SEPTIN8: variants seen among roughly 807,000 people sequenced by gnomAD.
SEPTIN8 encodes the protein septin 8.
A neutral mutation model predicts 53.1 loss-of-function variants in SEPTIN8; 22 were observed. The ratio of observed to expected loss-of-function variants is 0.41; its 90% confidence interval spans 0.30 to 0.59. The LOEUF is 0.59. Ranked by LOEUF, SEPTIN8 falls within the 20% of genes least tolerant of loss-of-function variation. SEPTIN8 has a pLI of 0.24. For missense variants in SEPTIN8, 536 were observed against 638.7 expected (o/e 0.84, Z 1.73); for synonymous variants, 228 against 248.4 (o/e 0.92, Z 0.77).
Position 132,761,657 on chromosome 5 carries a change from C to T in SEPTIN8, c.794-31G>A, listed in dbSNP as rs751659621. On this transcript the variant is annotated intron_variant, in intron 6 of 9. Transcript: ENST00000378719. This position sits in a 1 kb window ranked among gnomAD's most constrained non-coding sequence, Gnocchi z 5.8. The stretch of plus-strand genomic sequence containing the variant: ...AGCAGAGGGCCGGTGGGGTATCAGG[C>T]AGGCATGCAGGCGGGCACACTCCAG... 5.6e-6 allele frequency: 9 copies of T among 1,609,194 alleles called. No homozygotes were observed. In the South Asian group the frequency reaches 8.9e-5, roughly 16 times the overall value.
intron 1 of SEPTIN8, among the ~76,000 whole-genome samples, chr5:132,769,281 T>C (rs1479895272): frequency 6.6e-6 from 1 of 152,194 alleles, no homozygotes; most frequent in East Asian, 1.9e-4. Context: ...CAAGCTCTTG[T>C]CCCAAACCAC....
intron 1 of SEPTIN8, among the ~76,000 whole-genome samples, chr5:132,767,243 C>T (rs1561762567): frequency 6.6e-6 from 1 of 152,202 alleles, no homozygotes; most frequent in Non-Finnish European, 1.5e-5. Flanking sequence ...TTGGTGCCCA[C>T]ATAAAAGTAG....
upstream of SEPTIN8, chr5:132,777,535 C>G (rs1757921303): frequency 1.0e-6 from 1 of 962,372 alleles, no homozygotes. This position sits in a 1 kb window ranked among gnomAD's most constrained non-coding sequence, Gnocchi z 4.1. Flanking sequence ...TGGGGCCGAG[C>G]CTAGGTGAGA....
intron 9 of SEPTIN8, chr5:132,753,112 G>A (rs1755006155): frequency 4.5e-6 from 3 of 667,626 alleles, no homozygotes; most frequent in Non-Finnish European, 7.7e-6. Flanking sequence ...GTTCCCAACT[G>A]AGCCCTTGGA....
chr5:132,780,017 C>T (rs1443957793), upstream of SEPTIN8, among the ~76,000 whole-genome samples: 1 of 152,188 alleles, frequency 6.6e-6, no homozygotes, highest in Non-Finnish European at 1.5e-5. Context: ...CTTGGCCTTA[C>T]GTGGTCTTGC....
intron 1 of SEPTIN8, among the ~76,000 whole-genome samples, chr5:132,767,075 T>A (rs947621407): frequency 6.6e-6 from 1 of 152,168 alleles, no homozygotes; most frequent in Non-Finnish European, 1.5e-5. Flanking sequence ...CTTTCTCCCA[T>A]GACTCTCTCT....
intron 9 of SEPTIN8, chr5:132,754,639 C>T (rs1755170752): frequency 4.8e-6 from 3 of 624,650 alleles, no homozygotes; most frequent in South Asian, 1.9e-5. Context: ...TTTGTATTGC[C>T]GAAGTCCCAC....
At chr5:132,763,986 C>T in intron 3 of SEPTIN8, 94 bp from the exon 4 acceptor site, 7 of 1,314,230 alleles carry the variant, frequency 5.3e-6, no homozygotes, top group Non-Finnish European at 6.3e-6. Flanking sequence ...CAGGCTGCCC[C>T]CTGGCCTTTT....
At chr5:132,771,401 T>C (rs1336323517) in intron 1 of SEPTIN8, among the ~76,000 whole-genome samples, 1 of 152,076 alleles carries the variant, frequency 6.6e-6, no homozygotes, top group African/African-American at 2.4e-5. Flanking sequence ...GGCTACCGAG[T>C]AATGGACAAA....
chr5:132,766,724 A>G (rs1245534357), intron 1 of SEPTIN8, among the ~76,000 whole-genome samples: 1 of 152,114 alleles, frequency 6.6e-6, no homozygotes, highest in African/African-American at 2.4e-5. Flanking sequence ...CCCAGGAGAT[A>G]GGGCCAGTGG....
At chr5:132,778,880 T>C (rs188888771), upstream of SEPTIN8, among the ~76,000 whole-genome samples, 38 of 152,340 alleles carry the variant, frequency 2.5e-4, 1 homozygote, top group African/African-American at 9.1e-4. Context: ...GTATCTACTG[T>C]TTCCTTTTTC....
upstream of SEPTIN8, among the ~76,000 whole-genome samples, chr5:132,779,429 T>G (rs1175244520): frequency 3.3e-5 from 5 of 152,220 alleles, no homozygotes; most frequent in Non-Finnish European, 7.3e-5. Flanking sequence ...TCAGCTAATA[T>G]GCATTTTCTG....
chr5:132,775,550 T>C lies in SEPTIN8; in HGVS notation c.30+1558A>G, dbSNP rs186098583. Among the ~76,000 whole-genome samples, 3 of 152,306 alleles carry C rather than the reference T, an allele frequency of 2.0e-5. No homozygotes were observed. The South Asian group carries it at 6.2e-4, about 32-fold the overall frequency. On this transcript the variant is annotated intron_variant, in intron 1 of 9. Transcript: ENST00000378719. ...GTTAAATAACCTGCCCAAGGTCACA[T>C]GGCCAACAAGGAGTGTCTAGGATTC...
At chr5:132,766,164 A>G (rs1419299614) in intron 1 of SEPTIN8, among the ~76,000 whole-genome samples, 1 of 150,760 alleles carries the variant, frequency 6.6e-6, no homozygotes, top group Non-Finnish European at 1.5e-5. Flanking sequence ...CACTCACACA[A>G]CCCCCCCGTG....
rs200457042 is a variant in SEPTIN8, at chr5:132,765,500, G to A, written c.60C>T (p.Ser20=). Residue 20 remains serine (S), a synonymous_variant, in exon 2 of 10, where the codon TCC becomes TCT. Coordinates refer to ENST00000378719, the MANE Select transcript of SEPTIN8 (RefSeq NM_001098811.2). The part of the protein sequence containing the change: ...SNAEPEPRSL[S]LGGHVGFDSL... The stretch of plus-strand genomic sequence containing the variant: ...TGTCGAAACCCACATGGCCGCCCAG[G>A]GAGAGGCTCCGGGGCTCTGGCTCTG... The A allele has an allele frequency of 7.4e-5, 120 of 1,610,966 alleles. 1 individual carries two copies. The East Asian group carries it at 2.0e-3, about 26-fold the overall frequency.
rs761025585 is a variant in SEPTIN8 at position 132,761,281 on chromosome 5, G to A, written c.963-16C>T. 1 of 1,612,596 alleles carries A rather than the reference G, an allele frequency of 6.2e-7. No individual in the cohort carries two copies. The highest frequency in any genetic ancestry group is 8.5e-7 in the Non-Finnish European group (1 of 1,180,002). On this transcript the variant is annotated splice_polypyrimidine_tract_variant and intron_variant, in intron 7 of 9. Coordinates refer to ENST00000378719, the MANE Select transcript of SEPTIN8 (RefSeq NM_001098811.2). This position sits in a 1 kb window ranked among gnomAD's most constrained non-coding sequence, Gnocchi z 5.8. ...CTCTTGTAGGCTGTGGAGACCCAGA[G>A]AAAAGAGGCCAAGGATGGGATTATG... is the stretch of plus-strand genomic sequence containing the variant.
At position 132,754,661 on chromosome 5, in the gene SEPTIN8, T is replaced by A. The variant is rs1755172538; in HGVS notation, c.1287-2480A>T. 3 of 604,338 alleles carry A rather than the reference T, an allele frequency of 5.0e-6. No individual in the cohort carries two copies. The South Asian group carries it at 6.3e-5, about 13-fold the overall frequency. The allele number at this position is 604,338 out of a possible 1,614,324, so 37.4% of individuals were successfully genotyped here. On this transcript the variant is annotated intron_variant, in intron 9 of 9. Coordinates refer to ENST00000378719, the MANE Select transcript of SEPTIN8 (RefSeq NM_001098811.2). Reference sequence around the variant, plus strand: ...TGCCGAAGTCCCACTCGTGGATTTTTAAAAATCTTATGTGCTTTTCAAGCT... The same window carrying A: ...TGCCGAAGTCCCACTCGTGGATTTTAAAAAATCTTATGTGCTTTTCAAGCT...
Position 132,751,781 on chromosome 5 carries a change from A to AGCTCAGCT in SEPTIN8, c.*227_*234dup. The stretch of plus-strand genomic sequence containing the variant: ...TTTTTTTTTTTGGTCCCGGAGTGGA[A>AGCTCAGCT]GCTCAGCTTGGCCACAGGATGGGCA... On this transcript the variant is annotated 3_prime_UTR_variant, in exon 10 of 10. Coordinates refer to ENST00000378719, the MANE Select transcript of SEPTIN8 (RefSeq NM_001098811.2). 1.5e-6 allele frequency: 1 copy of AGCTCAGCT among 679,296 alleles called. No individual in the cohort carries two copies. The highest frequency in any genetic ancestry group is 2.4e-6 in the Non-Finnish European group (1 of 415,450). 42.1% of individuals were successfully genotyped at this position (679,296 alleles called of 1,614,324 possible).
chr5:132,770,409 A>AC (rs1301377564), intron 1 of SEPTIN8, among the ~76,000 whole-genome samples: 1 of 151,808 alleles, frequency 6.6e-6, no homozygotes, highest in Non-Finnish European at 1.5e-5. Context: ...TGAACTCCTG[A>AC]CCTCAGGTGA....
Sources: allele counts gnomAD v4.1 joint callset (sites outside exome capture counted in the v4.1 genomes callset), GRCh38; gene constraint gnomAD v4.1.1; non-coding constraint Gnocchi (gnomAD v3.1); transcripts MANE v1.5; gene names NCBI Gene and HGNC (gene_info 2026-07-23, HGNC 2026-07-21).